The following LPCAT3 variants were observed in gnomAD, a reference collection of about 807,000 sequenced individuals.
The protein encoded by LPCAT3 is lysophosphatidylcholine acyltransferase 3, also known as lysophospholipid acyltransferase 5.
Under a neutral mutation model 63.4 loss-of-function variants are expected in LPCAT3, and 21 were observed. That is an observed-to-expected ratio of 0.33 (90% CI 0.23 to 0.48). The LOEUF (loss-of-function observed/expected upper bound fraction) is 0.48, where lower values mean the gene tolerates loss of function less well. Ranked by LOEUF, LPCAT3 falls within the 20% of genes least tolerant of loss-of-function variation. The pLI, the probability that LPCAT3 is intolerant of heterozygous loss-of-function variation, is 0.99. For missense variants in LPCAT3, 451 were observed against 590.6 expected (o/e 0.76, Z 2.45); for synonymous variants, 242 against 227.5 (o/e 1.06, Z -0.58).
At chr12:6,992,574 A>G (rs1946599343) in intron 1 of LPCAT3, among the ~76,000 whole-genome samples, 1 of 152,218 alleles carries the variant, frequency 6.6e-6, no homozygotes, top group Admixed American at 6.5e-5. Context: ...CCCCAAAGAG[A>G]TTCCTTAAAG....
chr12:7,009,011 C>T (rs1272358967), intron 1 of LPCAT3, among the ~76,000 whole-genome samples: 1 of 152,108 alleles, frequency 6.6e-6, no homozygotes, highest in African/African-American at 2.4e-5. Flanking sequence ...GTCAGGCCTA[C>T]AAATGGGAAA....
At chr12:6,985,356 A>G (rs1555154690) in intron 1 of LPCAT3, among the ~76,000 whole-genome samples, 1 of 151,730 alleles carries the variant, frequency 6.6e-6, no homozygotes, top group East Asian at 1.9e-4. Context: ...AGATGGCACC[A>G]CTGCACTCCA....
Position 6,977,974 on chromosome 12 carries a change from T to A in LPCAT3, c.1041-229A>T. 1 of 574,208 alleles carries A rather than the reference T, an allele frequency of 1.7e-6. No individual in the cohort carries two copies. The highest frequency in any genetic ancestry group is 3.1e-6 in the Non-Finnish European group (1 of 323,014). 35.6% of individuals were successfully genotyped at this position (574,208 alleles called of 1,614,324 possible). On this transcript the variant is annotated intron_variant, in intron 9 of 12. Coordinates refer to ENST00000261407, the MANE Select transcript of LPCAT3 (RefSeq NM_005768.6). This position sits in a 1 kb window ranked among gnomAD's most constrained non-coding sequence, Gnocchi z 4.5. Reference sequence around the variant, plus strand: ...CACGAGCCACTTGGTTCAGCAGCAGTGACTGAGGCTGATGCTGAGATCAGT... The same window carrying A: ...CACGAGCCACTTGGTTCAGCAGCAGAGACTGAGGCTGATGCTGAGATCAGT...
At chr12:6,992,653 T>C (rs1555155621) in intron 1 of LPCAT3, among the ~76,000 whole-genome samples, 1 of 152,250 alleles carries the variant, frequency 6.6e-6, no homozygotes, top group Non-Finnish European at 1.5e-5. Flanking sequence ...TTTTAATCTT[T>C]CATCTTCTAA....
rs979315730 is a variant in LPCAT3, at chr12:6,987,446, C to G, written c.152-3907G>C. 6.6e-6 allele frequency among the ~76,000 whole-genome samples: 1 copy of G among 152,194 alleles called. No individual in the cohort carries two copies. Among genetic ancestry groups the G allele is most frequent in the Admixed American group, 6.5e-5 (1 of 15,278 alleles). ...TGAGCAAGGAAATAGGATCAAGTCTCATATATTTCACATGGGCAGAAATTT... is the reference window on the plus strand; with the variant it reads ...TGAGCAAGGAAATAGGATCAAGTCTGATATATTTCACATGGGCAGAAATTT... On this transcript the variant is annotated intron_variant, in intron 1 of 12. Transcript: ENST00000261407. This position sits in a 1 kb window ranked among gnomAD's most constrained non-coding sequence, Gnocchi z 4.1.
intron 1 of LPCAT3, among the ~76,000 whole-genome samples, chr12:7,010,528 A>C (rs1392034158): frequency 1.3e-5 from 2 of 152,028 alleles, no homozygotes; most frequent in Non-Finnish European, 2.9e-5. Flanking sequence ...GCATCCTCTC[A>C]CTTCAGTCCC....
intron 1 of LPCAT3, among the ~76,000 whole-genome samples, chr12:7,016,338 G>A (rs1332109055): frequency 2.0e-5 from 3 of 150,994 alleles, no homozygotes; most frequent in Non-Finnish European, 4.4e-5. Context: ...GTGCAGTAGA[G>A]CTAACTTGGC....
intron 1 of LPCAT3, among the ~76,000 whole-genome samples, chr12:7,008,876 A>G (rs1555157046): frequency 1.3e-5 from 2 of 152,192 alleles, no homozygotes; most frequent in African/African-American, 2.4e-5. Context: ...AACAATGTGA[A>G]CATAATAACA....
intron 4 of LPCAT3, 30 bp downstream of exon 4, chr12:6,981,781 T>C (rs373517949): frequency 3.2e-5 from 50 of 1,570,862 alleles, no homozygotes; most frequent in Non-Finnish European, 4.3e-5. Flanking sequence ...GACCTACATG[T>C]AAGGAAGGCA....
chr12:7,002,220 A>G (rs1302711747), intron 1 of LPCAT3, among the ~76,000 whole-genome samples: 1 of 152,000 alleles, frequency 6.6e-6, no homozygotes, highest in Non-Finnish European at 1.5e-5. Context: ...TCCTGTTCTT[A>G]CCCTTATATA....
intron 1 of LPCAT3, 32 bp from the exon 2 acceptor site, chr12:6,983,571 T>C (rs1555154430): frequency 1.4e-6 from 2 of 1,397,922 alleles, no homozygotes; most frequent in East Asian, 2.3e-5. Flanking sequence ...AAGAGTGTTA[T>C]TTGTGCCTGG....
chr12:7,002,388 T>C (rs1236468643), intron 1 of LPCAT3, among the ~76,000 whole-genome samples: 3 of 152,202 alleles, frequency 2.0e-5, no homozygotes, highest in Non-Finnish European at 4.4e-5. Context: ...TCTAACCTAA[T>C]CTGGACTGGG....
intron 1 of LPCAT3, among the ~76,000 whole-genome samples, chr12:6,996,791 G>A (rs1167618408): frequency 6.6e-6 from 1 of 152,220 alleles, no homozygotes; most frequent in East Asian, 1.9e-4. Context: ...AGAGGTTAAA[G>A]AGAAATCAAT....
chr12:6,980,850 C>T (rs1555153966), intron 6 of LPCAT3, 154 bp downstream of exon 6: 3 of 583,368 alleles, frequency 5.1e-6, no homozygotes, highest in Non-Finnish European at 8.5e-6. Context: ...AAAAAGGGCC[C>T]ACTCCTGGCA....
chr12:6,976,286 G>T lies in LPCAT3; in HGVS notation c.*618C>A, dbSNP rs1555153171. 6.5e-6 allele frequency: 1 copy of T among 154,274 alleles called. No individual in the cohort carries two copies. The highest frequency in any genetic ancestry group is 2.4e-5 in the African/African-American group (1 of 41,464). 9.6% of individuals were successfully genotyped at this position (154,274 alleles called of 1,614,324 possible). A position where few individuals can be genotyped will look rare whatever the true frequency, so the allele number is the denominator to read the frequency against. ...CACCCCTCTCCACCCCCCCATGGGG[G>T]GGGTGGTGGTAGCGGCACATACACA... On this transcript the variant is annotated 3_prime_UTR_variant, in exon 13 of 13. Transcript: ENST00000261407.
At chr12:6,983,266 G>T in intron 2 of LPCAT3, 166 bp downstream of exon 2, 1 of 590,638 alleles carries the variant, frequency 1.7e-6, no homozygotes. Context: ...GTACATAAAA[G>T]AAAAAAAGGA....
At position 6,977,595 on chromosome 12, in the gene LPCAT3, T is replaced by C; in HGVS notation, c.1188+3A>G. On this transcript the variant is annotated splice_donor_region_variant and intron_variant, in intron 10 of 12. Coordinates refer to ENST00000261407, the MANE Select transcript of LPCAT3 (RefSeq NM_005768.6). This position sits in a 1 kb window ranked among gnomAD's most constrained non-coding sequence, Gnocchi z 4.5. ...CCCCTTCACCCCCACCCTGGAGGCCTACCTGTCTTTCCACAATAACAATGA... is the reference window on the plus strand; with the variant it reads ...CCCCTTCACCCCCACCCTGGAGGCCCACCTGTCTTTCCACAATAACAATGA... 8.1e-6 allele frequency: 13 copies of C among 1,614,236 alleles called. No individual in the cohort carries two copies. Among genetic ancestry groups the C allele is most frequent in the Non-Finnish European group, 1.1e-5 (13 of 1,180,044 alleles).
Position 6,976,848 on chromosome 12 carries a change from A to G in LPCAT3, c.*56T>C. On this transcript the variant is annotated 3_prime_UTR_variant, in exon 13 of 13. Coordinates refer to ENST00000261407, the MANE Select transcript of LPCAT3 (RefSeq NM_005768.6). ...TGCTCTGGGGCAAAGGAGTGCTGTG[A>G]AAAGGGAGACGAGTAGTTTCTGCAC... The G allele has an allele frequency of 3.6e-6, 1 of 281,352 alleles. No homozygotes were observed. Among genetic ancestry groups the G allele is most frequent in the Non-Finnish European group, 6.9e-6 (1 of 145,908 alleles). 17.4% of individuals were successfully genotyped at this position (281,352 alleles called of 1,614,324 possible).
At position 6,987,758 on chromosome 12, in the gene LPCAT3, T is replaced by A. The variant is rs368289969; in HGVS notation, c.152-4219A>T. 2.5e-6 allele frequency: 1 copy of A among 400,736 alleles called. No individual in the cohort carries two copies. The allele number at this position is 400,736 out of a possible 1,614,324, so 24.8% of individuals were successfully genotyped here. A position where few individuals can be genotyped will look rare whatever the true frequency, so the allele number is the denominator to read the frequency against. Reference sequence around the variant, plus strand: ...CACATATTACTCTGCCTCTTTAAGTTGAATCTAATTTAACATTTTCTAGGT... The same window carrying A: ...CACATATTACTCTGCCTCTTTAAGTAGAATCTAATTTAACATTTTCTAGGT... On this transcript the variant is annotated intron_variant, in intron 1 of 12. Coordinates refer to ENST00000261407, the MANE Select transcript of LPCAT3 (RefSeq NM_005768.6). The surrounding 1 kb of genome is among the most constrained non-coding windows in gnomAD (Gnocchi z 4.1).
Sources: allele counts gnomAD v4.1 joint callset (sites outside exome capture counted in the v4.1 genomes callset), GRCh38; gene constraint gnomAD v4.1.1; non-coding constraint Gnocchi (gnomAD v3.1); transcripts MANE v1.5; gene names NCBI Gene and HGNC (gene_info 2026-07-23, HGNC 2026-07-21).